Variants in GRIA1 observed in about 807,000 individuals in gnomAD.
The protein encoded by GRIA1 is glutamate ionotropic receptor AMPA type subunit 1.
Under a neutral mutation model 99.2 loss-of-function variants are expected in GRIA1, and 31 were observed. That is an observed-to-expected ratio of 0.31 (90% CI 0.23 to 0.42). The LOEUF (loss-of-function observed/expected upper bound fraction) is 0.42. GRIA1 is among the 10% of genes least tolerant of loss of function. The probability of loss-of-function intolerance (pLI) is 1.00; values close to 1 mark genes in which losing one functional copy is unlikely to be tolerated. For missense variants in GRIA1, 782 were observed against 1,157.5 expected (o/e 0.68, Z 4.71); for synonymous variants, 438 against 432.4 (o/e 1.01, Z -0.16).
intron 2 of GRIA1, among the ~76,000 whole-genome samples, chr5:153,624,193 A>C (rs1457620105): frequency 6.6e-6 from 1 of 152,204 alleles, no homozygotes; most frequent in Admixed American, 6.5e-5. Context: ...GTATATAAAA[A>C]GAAGAAGATG....
intron 2 of GRIA1, among the ~76,000 whole-genome samples, chr5:153,546,635 G>A (rs899951042): frequency 6.6e-5 from 10 of 152,132 alleles, no homozygotes; most frequent in African/African-American, 2.2e-4. Context: ...TGAGAGTCAG[G>A]TTTGATAATT....
chr5:153,796,686 G>C (rs540166142), intron 14 of GRIA1, among the ~76,000 whole-genome samples: 1 of 152,250 alleles, frequency 6.6e-6, no homozygotes, highest in East Asian at 1.9e-4. Context: ...ACCATCCAGA[G>C]GTGGGCAACA....
At chr5:153,703,110 A>T (rs79501569) in intron 10 of GRIA1, among the ~76,000 whole-genome samples, 3,203 of 152,242 alleles carry the variant, frequency 0.021, 39 homozygotes, top group Middle Eastern at 0.054. Context: ...CTAAAATACT[A>T]CTGCTTTTCA....
intron 2 of GRIA1, among the ~76,000 whole-genome samples, chr5:153,517,268 A>T (rs189816581): frequency 2.6e-5 from 4 of 152,242 alleles, no homozygotes; most frequent in African/African-American, 9.6e-5. Flanking sequence ...CAGCATCCAG[A>T]TCCCCAGAGT....
In GRIA1 at chr5:153,813,500, T is replaced by C. The variant is rs2149686519; in HGVS notation, c.*2275T>C. 6.6e-6 allele frequency: 1 copy of C among 152,346 alleles called. No homozygotes were observed. Among genetic ancestry groups the C allele is most frequent in the Non-Finnish European group, 1.5e-5 (1 of 68,038 alleles). 9.4% of individuals were successfully genotyped at this position (152,346 alleles called of 1,614,324 possible). On this transcript the variant is annotated 3_prime_UTR_variant, in exon 16 of 16. Coordinates refer to ENST00000285900, the MANE Select transcript of GRIA1 (RefSeq NM_000827.4). ...CCAAGACTCTGGCGAAATGTGCTTT[T>C]TCATCAATGGAGAAATGAAAGGAAA...
At chr5:153,532,683 C>T (rs1312322109) in intron 2 of GRIA1, among the ~76,000 whole-genome samples, 1 of 152,084 alleles carries the variant, frequency 6.6e-6, no homozygotes, top group Non-Finnish European at 1.5e-5. Context: ...CACCCTAGCC[C>T]CTGTGGGCAT....
intron 11 of GRIA1, among the ~76,000 whole-genome samples, chr5:153,721,734 G>C (rs879801697): frequency 1.3e-5 from 2 of 152,022 alleles, no homozygotes; most frequent in Non-Finnish European, 2.9e-5. Context: ...TCCATTTTGT[G>C]GATATACCAC....
intron 11 of GRIA1, among the ~76,000 whole-genome samples, chr5:153,763,780 C>T (rs900143887): frequency 3.3e-5 from 5 of 152,178 alleles, no homozygotes; most frequent in Non-Finnish European, 7.3e-5. Context: ...AATTGATTAT[C>T]ATATTTGCCT....
chr5:153,608,433 A>G (rs553667491), intron 2 of GRIA1, among the ~76,000 whole-genome samples: 2 of 151,978 alleles, frequency 1.3e-5, no homozygotes, highest in African/African-American at 2.4e-5. Flanking sequence ...CATATTTTCT[A>G]TCATTTTCTC....
At position 153,770,289 on chromosome 5, in the gene GRIA1, C is replaced by T. The variant is rs1763790498; in HGVS notation, c.2144C>T (p.Ala715Val). ...GTGAGGAAATCCAAAGGCAAATATG[C>T]CTACCTCCTGGAGTCCACCATGAAT... ...IRVRKSKGKY[A>V]YLLESTMNEY... Residue 715 changes from alanine to valine, a missense_variant, in exon 13 of 16, where the codon GCC becomes GTC. Coordinates refer to ENST00000285900, the MANE Select transcript of GRIA1 (RefSeq NM_000827.4). The T allele has an allele frequency of 6.2e-7, 1 of 1,613,888 alleles. No individual in the cohort carries two copies. Among genetic ancestry groups the T allele is most frequent in the South Asian group, 1.1e-5 (1 of 91,080 alleles).
chr5:153,699,305 G>T (rs1297041645), intron 10 of GRIA1, among the ~76,000 whole-genome samples: 1 of 152,196 alleles, frequency 6.6e-6, no homozygotes, highest in Non-Finnish European at 1.5e-5. Flanking sequence ...TCAGTTGATT[G>T]TCGTCCAACA....
At chr5:153,710,508 C>T (rs1759234152) in intron 11 of GRIA1, among the ~76,000 whole-genome samples, 1 of 152,200 alleles carries the variant, frequency 6.6e-6, no homozygotes, top group Non-Finnish European at 1.5e-5. Context: ...CAGACATGAG[C>T]CACTGTGCCC....
At chr5:153,507,082 C>A (rs1328810601) in intron 2 of GRIA1, among the ~76,000 whole-genome samples, 2 of 152,100 alleles carry the variant, frequency 1.3e-5, no homozygotes, top group Non-Finnish European at 2.9e-5. Flanking sequence ...AAGATCAAGC[C>A]ACTGCACTCC....
chr5:153,692,565 G>A (rs1357695089), intron 8 of GRIA1, among the ~76,000 whole-genome samples: 1 of 152,148 alleles, frequency 6.6e-6, no homozygotes, highest in Non-Finnish European at 1.5e-5. Context: ...CAACAACAGA[G>A]ATAAGTAGTG....
rs1049926197 is a variant in GRIA1 at position 153,492,452 on chromosome 5, G to C, written c.83-1476G>C. 7 of 787,562 alleles carry C rather than the reference G, an allele frequency of 8.9e-6. No homozygotes were observed. In the East Asian group the frequency reaches 2.2e-4, roughly 24 times the overall value. The allele number at this position is 787,562 out of a possible 1,614,324, so 48.8% of individuals were successfully genotyped here. ...ATTCATTGCAGAGGAGGAGAAAGGG[G>C]ACAGGGAAGTGTTTGGGGTGTGGTC... is the stretch of plus-strand genomic sequence containing the variant. On this transcript the variant is annotated intron_variant, in intron 1 of 15. Transcript: ENST00000285900.
At chr5:153,624,663 CAG>C (rs1767407941) in intron 2 of GRIA1, among the ~76,000 whole-genome samples, 1 of 152,118 alleles carries the variant, frequency 6.6e-6, no homozygotes, top group Non-Finnish European at 1.5e-5. Flanking sequence ...GAAACCTCAA[CAG>C]GGGGGAAAAA....
At chr5:153,638,440 C>T (rs770001108) in intron 2 of GRIA1, among the ~76,000 whole-genome samples, 5 of 152,192 alleles carry the variant, frequency 3.3e-5, no homozygotes, top group Non-Finnish European at 7.3e-5. Flanking sequence ...TTGATATGCC[C>T]AGCATGCATC....
intron 2 of GRIA1, among the ~76,000 whole-genome samples, chr5:153,549,049 C>A (rs1242464890): frequency 6.6e-6 from 1 of 152,144 alleles, no homozygotes; most frequent in Non-Finnish European, 1.5e-5. Flanking sequence ...TATACAACTT[C>A]TAAAGCTCAG....
At chr5:153,554,682 C>T (rs1203056163) in intron 2 of GRIA1, among the ~76,000 whole-genome samples, 5 of 152,204 alleles carry the variant, frequency 3.3e-5, no homozygotes, top group Admixed American at 6.5e-5. Context: ...TTAGTAGAGA[C>T]GGGGTTCCCC....
Sources: allele counts gnomAD v4.1 joint callset (sites outside exome capture counted in the v4.1 genomes callset), GRCh38; gene constraint gnomAD v4.1.1; transcripts MANE v1.5; gene names NCBI Gene and HGNC (gene_info 2026-07-23, HGNC 2026-07-21).